The following MLLT10 variants were observed in gnomAD, a reference collection of about 807,000 sequenced individuals.
MLLT10 encodes protein AF-10.
A neutral mutation model predicts 129.1 loss-of-function variants in MLLT10; 30 were observed. That is an observed-to-expected ratio of 0.23 (90% CI 0.17 to 0.32). The LOEUF (loss-of-function observed/expected upper bound fraction) is 0.32. MLLT10 is among the 10% of genes least tolerant of loss of function. MLLT10 has a pLI of 1.00. For synonymous variants in MLLT10, 490 were observed against 446.4 expected (o/e 1.10, Z -1.23); for missense variants, 1,119 against 1,268.3 (o/e 0.88, Z 1.79).
In MLLT10 at chr10:21,673,584, A is replaced by T. The variant is rs542522771; in HGVS notation, c.1286A>T (p.Gln429Leu). 18 of 1,612,986 alleles carry T rather than the reference A, an allele frequency of 1.1e-5. No individual in the cohort carries two copies. Among genetic ancestry groups the T allele is most frequent in the Non-Finnish European group, 1.5e-5 (18 of 1,179,698 alleles). ...GLPSTSAVTS[Q>L]PKSFENSPGD... is the part of the protein sequence containing the mutation. The stretch of plus-strand genomic sequence containing the variant: ...CCTTCAACCTCAGCTGTTACTTCAC[A>T]GCCTAAAAGCTTTGAAAATTCACCT... The change falls in exon 11 of 23, where the codon CAG (glutamine) becomes CTG (leucine). Residue 429 changes from glutamine to leucine, a missense_variant. Around this residue, in one of 5 missense-constraint regions of MLLT10, gnomAD observed 1,004 missense variants for 1,008.7 expected, o/e 1.00. Coordinates refer to ENST00000307729, the MANE Select transcript of MLLT10 (RefSeq NM_001195626.3).
At chr10:21,594,546 T>A (rs2042840048) in intron 4 of MLLT10, among the ~76,000 whole-genome samples, 1 of 108,166 alleles carries the variant, frequency 9.2e-6, no homozygotes, top group Non-Finnish European at 1.8e-5. Context: ...AGAGCGAAAC[T>A]CTGTCTCAAA....
chr10:21,717,662 C>T (rs1402623941), intron 14 of MLLT10, among the ~76,000 whole-genome samples: 1 of 128,340 alleles, frequency 7.8e-6, no homozygotes, highest in Non-Finnish European at 1.7e-5. Flanking sequence ...CTTCCTCCTC[C>T]TCTTCCTCCT....
At position 21,673,653 on chromosome 10, in the gene MLLT10, G is replaced by A. The variant is rs1309703502; in HGVS notation, c.1355G>A (p.Arg452Gln). 1.2e-6 allele frequency: 2 copies of A among 1,613,934 alleles called. No individual in the cohort carries two copies. The highest frequency in any genetic ancestry group is 1.7e-6 in the Non-Finnish European group (2 of 1,179,982). The change falls in exon 11 of 23, where the codon CGG becomes CAG. Residue 452 changes from arginine to glutamine, a missense_variant. Around this residue, in one of 5 missense-constraint regions of MLLT10, gnomAD observed 1,004 missense variants for 1,008.7 expected, o/e 1.00. Transcript: ENST00000307729. ...NSSLPTAGYKRAQTSGIEEET... is the reference protein window; with the variant it reads ...NSSLPTAGYKQAQTSGIEEET... ...AGCCTTCCTACAGCAGGATATAAGC[G>A]GGCTCAAACTTCTGGCATAGAAGAA... is the stretch of plus-strand genomic sequence containing the variant.
intron 14 of MLLT10, among the ~76,000 whole-genome samples, chr10:21,715,440 G>T (rs1011718801): frequency 2.0e-5 from 3 of 152,170 alleles, no homozygotes; most frequent in Admixed American, 1.3e-4. Flanking sequence ...CATAACAGGG[G>T]TTTGGGGTTA....
At chr10:21,587,423 CAAA>C (rs35976402) in intron 4 of MLLT10, among the ~76,000 whole-genome samples, 2 of 42,342 alleles carry the variant, frequency 4.7e-5, no homozygotes, top group Non-Finnish European at 4.6e-5. Flanking sequence ...GACCCTGCCT[CAAA>C]AAAAAAAAAA....
rs538379486 is a variant in MLLT10, at chr10:21,560,492, A to G, written c.240+21580A>G. Among the ~76,000 whole-genome samples the G allele has an allele frequency of 2.0e-5, 3 of 152,254 alleles. 1 individual carries two copies. Among genetic ancestry groups the G allele is most frequent in the South Asian group, 4.1e-4 (2 of 4,826 alleles). On this transcript the variant is annotated intron_variant, in intron 3 of 22. Coordinates refer to ENST00000307729, the MANE Select transcript of MLLT10 (RefSeq NM_001195626.3). ...GTTCTGTCATTCAGCATTGAAGTGC[A>G]GTGGCTTAAACATGGCTCACTGGAG...
intron 3 of MLLT10, among the ~76,000 whole-genome samples, chr10:21,551,087 C>A (rs1186618399): frequency 1.3e-5 from 2 of 151,474 alleles, no homozygotes; most frequent in African/African-American, 4.8e-5. Flanking sequence ...CCACCACGCC[C>A]GGCTGATTTT....
intron 8 of MLLT10, among the ~76,000 whole-genome samples, chr10:21,622,295 C>T (rs1166254154): frequency 6.7e-6 from 1 of 149,986 alleles, no homozygotes; most frequent in Admixed American, 6.7e-5. Context: ...GTAGCTGGGA[C>T]TACCAGCGTA....
intron 4 of MLLT10, among the ~76,000 whole-genome samples, chr10:21,588,559 A>C (rs1482944114): frequency 6.6e-6 from 1 of 152,086 alleles, no homozygotes; most frequent in African/African-American, 2.4e-5. Context: ...ACATTGAGTC[A>C]AAGGAGTTTT....
Position 21,538,897 on chromosome 10 carries a change from G to A in MLLT10, c.225G>A (p.Glu75=), listed in dbSNP as rs778545162. ...TTTGCAGGAAATGTGAATCTCAGGAGAGAGCAGCCAGAGTGGTAAGGACTA... is the reference window on the plus strand; with the variant it reads ...TTTGCAGGAAATGTGAATCTCAGGAAAGAGCAGCCAGAGTGGTAAGGACTA... The part of the protein sequence containing the change: ...PWFCRKCESQ[E]RAARVRCELC... Residue 75 remains glutamate, a synonymous_variant, in exon 3 of 23, where the codon GAG becomes GAA. Transcript: ENST00000307729. 5.0e-6 allele frequency: 8 copies of A among 1,612,778 alleles called. No individual in the cohort carries two copies. In the Admixed American group the frequency reaches 1.3e-4, roughly 27 times the overall value.
At chr10:21,573,181 C>T (rs1181085578) in intron 3 of MLLT10, among the ~76,000 whole-genome samples, 1 of 152,066 alleles carries the variant, frequency 6.6e-6, no homozygotes, top group Non-Finnish European at 1.5e-5. Context: ...ATTCTCTTCC[C>T]TTACAGAATG....
chr10:21,534,661 G>A lies in MLLT10; in HGVS notation c.17G>A (p.Arg6Gln). 2 of 1,610,128 alleles carry A rather than the reference G, an allele frequency of 1.2e-6. No individual in the cohort carries two copies. The highest frequency in any genetic ancestry group is 1.7e-6 in the Non-Finnish European group (2 of 1,177,858). The change falls in exon 2 of 23, where the codon CGG becomes CAG. Residue 6 changes from arginine (R) to glutamine (Q), a missense_variant. Physicochemically the swap from Arg to Gln is conservative, Grantham distance 43. Around this residue, in one of 5 missense-constraint regions of MLLT10, gnomAD observed 35 missense variants for 26.0 expected, o/e 1.35. Transcript: ENST00000307729. MVSSDRPVSLEDEVSH... is the reference protein window; with the variant it reads MVSSDQPVSLEDEVSH... ...CCCTCTTAGATGGTCTCTAGCGACC[G>A]GCCCGTGTCACTGGAGGACGAGGTC... is the stretch of plus-strand genomic sequence containing the variant.
chr10:21,632,820 TCTC>T (rs1448834220), intron 8 of MLLT10, among the ~76,000 whole-genome samples: 3 of 152,182 alleles, frequency 2.0e-5, no homozygotes, highest in Non-Finnish European at 2.9e-5. Flanking sequence ...TATAATCTAA[TCTC>T]CTACTGATTG....
intron 8 of MLLT10, among the ~76,000 whole-genome samples, chr10:21,636,565 ATTTCT>A (rs550002591): frequency 1.3e-3 from 189 of 149,448 alleles, no homozygotes; most frequent in Middle Eastern, 0.011. Flanking sequence ...GCCTAATATG[ATTTCT>A]TTTCTTTTCT....
At position 21,534,478 on chromosome 10, in the gene MLLT10, T is replaced by G; in HGVS notation, c.-43T>G. On this transcript the variant is annotated 5_prime_UTR_variant, in exon 1 of 23. Transcript: ENST00000307729. ...GGGGAATCAGCAAGGACATGGCTCCTGACTCCTGTGCGGAACGTGAGTGAC... is the reference window on the plus strand; with the variant it reads ...GGGGAATCAGCAAGGACATGGCTCCGGACTCCTGTGCGGAACGTGAGTGAC... The G allele has an allele frequency of 1.6e-6, 1 of 636,074 alleles. No individual in the cohort carries two copies. Among genetic ancestry groups the G allele is most frequent in the African/African-American group, 1.9e-5 (1 of 52,460 alleles). 39.4% of individuals were successfully genotyped at this position (636,074 alleles called of 1,614,324 possible).
At chr10:21,598,589 G>A (rs1264610674) in intron 5 of MLLT10, among the ~76,000 whole-genome samples, 14 of 152,130 alleles carry the variant, frequency 9.2e-5, no homozygotes, top group Non-Finnish European at 2.9e-5. Flanking sequence ...CTATATCTAT[G>A]TAGAAAACTG....
intron 9 of MLLT10, among the ~76,000 whole-genome samples, chr10:21,659,482 C>T (rs1236552247): frequency 6.6e-6 from 1 of 151,468 alleles, no homozygotes; most frequent in East Asian, 1.9e-4. Flanking sequence ...GTGCCCTTCA[C>T]TGGGCTACTT....
chr10:21,665,768 TC>T (rs1488877242), intron 9 of MLLT10, among the ~76,000 whole-genome samples: 3 of 150,790 alleles, frequency 2.0e-5, no homozygotes, highest in Admixed American at 6.6e-5. Context: ...TTGCTCTGTC[TC>T]CCAGGCTGGA....
chr10:21,586,276 CTT>C lies in MLLT10; in HGVS notation c.241-6_241-5del, dbSNP rs750892285. The C allele has an allele frequency of 1.1e-3, 1,372 of 1,274,510 alleles. No homozygotes were observed. Among genetic ancestry groups the C allele is most frequent in the Admixed American group, 1.3e-3 (58 of 43,124 alleles). 79.0% of individuals were successfully genotyped at this position (1,274,510 alleles called of 1,614,324 possible). A position where few individuals can be genotyped will look rare whatever the true frequency, so the allele number is the denominator to read the frequency against. On this transcript the variant is annotated splice_polypyrimidine_tract_variant and intron_variant, in intron 3 of 22. Coordinates refer to ENST00000307729, the MANE Select transcript of MLLT10 (RefSeq NM_001195626.3). Reference sequence around the variant, plus strand: ...AATCTGAAATATTCATTACCTGTTTCTTTTTTTTTTTTTATAGAGATGTGAAC... The same window carrying C: ...AATCTGAAATATTCATTACCTGTTTCTTTTTTTTTTTATAGAGATGTGAAC...
Sources: gnomAD v4.1 joint callset for allele counts (sites outside exome capture counted in the v4.1 genomes callset) on GRCh38, gnomAD v4.1.1 for gene constraint, gnomAD v4.1.1 regional missense constraint, MANE v1.5 for transcripts, NCBI Gene and HGNC (gene_info 2026-07-23, HGNC 2026-07-21) for gene names.